The following STK31 variants were observed in gnomAD, a reference collection of about 807,000 sequenced individuals.
STK31 encodes the protein serine/threonine-protein kinase 31.
STK31 carries 89 observed loss-of-function variants against 129.7 expected under a neutral mutation model. The observed-to-expected ratio is 0.69, with a 90% CI of 0.58 to 0.82. The LOEUF is 0.82. Ranked by LOEUF, STK31 falls within the 40% of genes least tolerant of loss-of-function variation. The pLI is 0.00. For synonymous variants in STK31, 448 were observed against 395.3 expected (o/e 1.13, Z -1.58); for missense variants, 1,187 against 1,176.4 (o/e 1.01, Z -0.13).
At chr7:23,731,638 AT>A (rs34889270) in intron 6 of STK31, among the ~76,000 whole-genome samples, 3 of 152,060 alleles carry the variant, frequency 2.0e-5, no homozygotes, top group African/African-American at 7.2e-5. Context: ...ATTCCTTCAC[AT>A]TTTTTTAACT....
rs762765141 is a variant in STK31, at chr7:23,737,011, A to T, written c.950A>T (p.Lys317Met). 1 of 1,613,378 alleles carries T rather than the reference A, an allele frequency of 6.2e-7. No individual in the cohort carries two copies. Among genetic ancestry groups the T allele is most frequent in the Non-Finnish European group, 8.5e-7 (1 of 1,179,834 alleles). ...IEENEKLKTE[K>M]DALLESYKAL... ...GAAAATGAAAAACTTAAAACAGAGA[A>T]GGACGCTCTTCTTGAAAGTTATAAG... The change falls in exon 8 of 24, where the codon AAG becomes ATG. Residue 317 changes from lysine to methionine, a missense_variant. Transcript: ENST00000355870.
At chr7:23,828,420 G>C (rs1794317681) in intron 23 of STK31, among the ~76,000 whole-genome samples, 1 of 152,236 alleles carries the variant, frequency 6.6e-6, no homozygotes, top group African/African-American at 2.4e-5. Context: ...CTCCTGGTGT[G>C]CCGTTTGTTA....
chr7:23,717,086 A>G (rs1786378955), intron 3 of STK31, among the ~76,000 whole-genome samples: 1 of 103,290 alleles, frequency 9.7e-6, no homozygotes, highest in Non-Finnish European at 2.0e-5. Context: ...GGTGTGAGCC[A>G]TCGCAACCTG....
intron 10 of STK31, among the ~76,000 whole-genome samples, 161 bp downstream of exon 10, chr7:23,754,635 A>G (rs1158346279): frequency 2.0e-5 from 3 of 151,802 alleles, no homozygotes; most frequent in Admixed American, 1.3e-4. Flanking sequence ...CCTGTCCTCT[A>G]AATTCCCTCC....
At chr7:23,792,748 G>A (rs528092567) in intron 22 of STK31, among the ~76,000 whole-genome samples, 3 of 152,284 alleles carry the variant, frequency 2.0e-5, no homozygotes, top group African/African-American at 4.8e-5. Context: ...TAGGCCTAGA[G>A]TGGTGGTTCA....
intron 22 of STK31, among the ~76,000 whole-genome samples, chr7:23,810,152 T>C (rs1264508922): frequency 2.0e-5 from 3 of 152,150 alleles, no homozygotes; most frequent in Non-Finnish European, 4.4e-5. Context: ...TTATGTAATA[T>C]CCTTCTTTTT....
In STK31 at chr7:23,831,677, T is replaced by TTGG. The variant is rs1794556910; in HGVS notation, c.2830-454_2830-452dup. Among the ~76,000 whole-genome samples the TTGG allele has an allele frequency of 2.0e-5, 3 of 152,350 alleles. No individual in the cohort carries two copies. The South Asian group carries it at 6.2e-4, about 32-fold the overall frequency. On this transcript the variant is annotated intron_variant, in intron 23 of 23. Transcript: ENST00000355870. ...TATTTTCTCTCTTATTCATTGTGGT[T>TTGG]TGGTGGTTTTCTGTCGTGGTAACAC... is the stretch of plus-strand genomic sequence containing the variant.
chr7:23,764,167 G>A (rs576371209), intron 11 of STK31, among the ~76,000 whole-genome samples: 48 of 152,278 alleles, frequency 3.2e-4, no homozygotes, highest in African/African-American at 1.1e-3. Context: ...GTTGAAGTAA[G>A]CCTTGCATAT....
At chr7:23,721,963 T>TC (rs1411647162) in intron 4 of STK31, 1 of 203,512 alleles carries the variant, frequency 4.9e-6, no homozygotes, top group African/African-American at 2.4e-5. Flanking sequence ...TTTATTCTAG[T>TC]TAGCCATTCG....
intron 23 of STK31, among the ~76,000 whole-genome samples, chr7:23,822,250 ATCT>A (rs1793828257): frequency 6.6e-6 from 1 of 152,146 alleles, no homozygotes; most frequent in South Asian, 2.1e-4. Flanking sequence ...AACAATACTA[ATCT>A]TCTGATCCAG....
chr7:23,788,255 G>A, intron 21 of STK31, 126 bp downstream of exon 21: 1 of 821,902 alleles, frequency 1.2e-6, no homozygotes, highest in Non-Finnish European at 1.7e-6. Context: ...ACTGTGTCAT[G>A]TAGTATAAGC....
At chr7:23,780,294 A>G (rs1450522150) in intron 15 of STK31, among the ~76,000 whole-genome samples, 2 of 152,192 alleles carry the variant, frequency 1.3e-5, no homozygotes, top group Admixed American at 1.3e-4. Flanking sequence ...CCATCTTAGT[A>G]TCTGGATCCT....
intron 10 of STK31, among the ~76,000 whole-genome samples, chr7:23,761,373 A>G (rs1161989300): frequency 6.6e-6 from 1 of 150,678 alleles, no homozygotes; most frequent in African/African-American, 2.4e-5. Context: ...GATAACTTTT[A>G]TTCAAGTATT....
chr7:23,765,337 G>A (rs1429330466), intron 11 of STK31, among the ~76,000 whole-genome samples: 1 of 152,092 alleles, frequency 6.6e-6, no homozygotes, highest in African/African-American at 2.4e-5. Flanking sequence ...ACAGGTGTGA[G>A]CCACCGCACC....
intron 8 of STK31, among the ~76,000 whole-genome samples, chr7:23,752,147 AC>A (rs1720334984): frequency 6.6e-6 from 1 of 152,190 alleles, no homozygotes; most frequent in Admixed American, 6.5e-5. Flanking sequence ...TGTATATTTT[AC>A]CACAATTTAA....
intron 22 of STK31, chr7:23,811,332 T>C (rs1793119887): frequency 2.4e-6 from 1 of 414,614 alleles, no homozygotes. Context: ...GGTTTTACTC[T>C]TTCTGGTCTT....
intron 22 of STK31, among the ~76,000 whole-genome samples, chr7:23,792,852 C>G (rs1390539733): frequency 6.6e-6 from 1 of 152,082 alleles, no homozygotes; most frequent in African/African-American, 2.4e-5. Flanking sequence ...GTGAGCACCC[C>G]CTGTCTCTAC....
intron 4 of STK31, chr7:23,721,398 C>G (rs981289307): frequency 4.8e-5 from 51 of 1,070,142 alleles, no homozygotes; most frequent in Non-Finnish European, 5.6e-5. Context: ...TGAGGTGGCT[C>G]CTCTGGCTTC....
intron 6 of STK31, among the ~76,000 whole-genome samples, chr7:23,733,850 AT>A (rs986210496): frequency 6.6e-5 from 10 of 151,870 alleles, no homozygotes; most frequent in Non-Finnish European, 1.3e-4. Context: ...CAATGAAATA[AT>A]TTTTTTTGTA....
Sources: allele counts gnomAD v4.1 joint callset (sites outside exome capture counted in the v4.1 genomes callset), GRCh38; gene constraint gnomAD v4.1.1; transcripts MANE v1.5; gene names NCBI Gene and HGNC (gene_info 2026-07-23, HGNC 2026-07-21).